GXYLT2: variants seen among roughly 807,000 people sequenced by gnomAD.
GXYLT2 encodes the protein glycosyltransferase 8 domain containing 4.
A neutral mutation model predicts 45.8 loss-of-function variants in GXYLT2; 53 were observed. The observed-to-expected ratio is 1.16, with a 90% CI of 0.93 to 1.46. The LOEUF (loss-of-function observed/expected upper bound fraction) is 1.46. Ranked by LOEUF, GXYLT2 falls within the 40% of genes most tolerant of loss-of-function variation. GXYLT2 has a pLI of 0.00. For missense variants in GXYLT2, 551 were observed against 544.4 expected (o/e 1.01, Z -0.12); for synonymous variants, 219 against 214.2 (o/e 1.02, Z -0.19).
At chr3:72,915,426 G>A (rs1159997001) in intron 2 of GXYLT2, among the ~76,000 whole-genome samples, 2 of 132,252 alleles carry the variant, frequency 1.5e-5, no homozygotes, top group Non-Finnish European at 3.1e-5. Context: ...GTAATTTAAA[G>A]ACGTATACAA....
chr3:72,965,878 C>T (rs1710856430), intron 5 of GXYLT2, among the ~76,000 whole-genome samples: 1 of 152,200 alleles, frequency 6.6e-6, no homozygotes, highest in African/African-American at 2.4e-5. Flanking sequence ...CATATGTGCA[C>T]ATATGGCCAT....
At chr3:72,961,209 C>T (rs955638961) in intron 5 of GXYLT2, among the ~76,000 whole-genome samples, 1 of 152,118 alleles carries the variant, frequency 6.6e-6, no homozygotes, top group African/African-American at 2.4e-5. Flanking sequence ...AGTTCACACT[C>T]TTAAAGGTGA....
chr3:72,959,427 T>A (rs543571253), intron 5 of GXYLT2, among the ~76,000 whole-genome samples: 41 of 151,676 alleles, frequency 2.7e-4, no homozygotes, highest in African/African-American at 4.6e-4. Flanking sequence ...CAAATTTTTT[T>A]AATTTTTTAT....
intron 2 of GXYLT2, among the ~76,000 whole-genome samples, chr3:72,910,172 T>C (rs1435635023): frequency 6.6e-6 from 1 of 152,202 alleles, no homozygotes; most frequent in African/African-American, 2.4e-5. Context: ...TTATGATTTA[T>C]GAGTTCATCT....
At chr3:72,897,250 A>G (rs1332373650) in intron 1 of GXYLT2, among the ~76,000 whole-genome samples, 1 of 152,224 alleles carries the variant, frequency 6.6e-6, no homozygotes, top group Admixed American at 6.5e-5. Context: ...TGGAAAGTGC[A>G]AAGAGATAAA....
intron 6 of GXYLT2, among the ~76,000 whole-genome samples, chr3:72,970,073 T>C (rs899603503): frequency 2.0e-5 from 3 of 151,396 alleles, no homozygotes; most frequent in Admixed American, 6.6e-5. Flanking sequence ...AAAATCGGCC[T>C]GGTGTGGTGG....
intron 5 of GXYLT2, among the ~76,000 whole-genome samples, chr3:72,957,671 A>G (rs908330871): frequency 1.3e-5 from 2 of 152,210 alleles, no homozygotes; most frequent in Admixed American, 1.3e-4. Context: ...AAATGGAAAT[A>G]TTATAATCTA....
intron 3 of GXYLT2, among the ~76,000 whole-genome samples, chr3:72,923,407 C>G (rs766021413): frequency 2.0e-5 from 3 of 151,708 alleles, no homozygotes; most frequent in Non-Finnish European, 4.4e-5. Flanking sequence ...AGACTGAGAC[C>G]GTGTCTCAAA....
chr3:72,942,788 C>G (rs9851754), intron 3 of GXYLT2, among the ~76,000 whole-genome samples: 1 of 150,892 alleles, frequency 6.6e-6, no homozygotes, highest in Admixed American at 6.6e-5. Context: ...GAAATTGTTA[C>G]AGATTGGAGG....
At chr3:72,949,410 CCTT>C (rs1710472297) in intron 3 of GXYLT2, among the ~76,000 whole-genome samples, 1 of 151,856 alleles carries the variant, frequency 6.6e-6, no homozygotes, top group Non-Finnish European at 1.5e-5. Context: ...TCTGTGCTAA[CCTT>C]CTCATCATCA....
At chr3:72,965,302 T>G (rs1167623718) in intron 5 of GXYLT2, among the ~76,000 whole-genome samples, 4 of 152,204 alleles carry the variant, frequency 2.6e-5, no homozygotes, top group African/African-American at 9.6e-5. Context: ...ATTATTTGCT[T>G]TCCATCTTGA....
At chr3:72,909,095 G>A (rs1186664898) in intron 2 of GXYLT2, among the ~76,000 whole-genome samples, 34 of 119,062 alleles carry the variant, frequency 2.9e-4, no homozygotes, top group Non-Finnish European at 5.0e-4. Context: ...TTGAGACAGC[G>A]GCTCACTCTG....
At chr3:72,930,592 C>CTTTTTTTTTTTTT (rs71126806) in intron 3 of GXYLT2, among the ~76,000 whole-genome samples, 1 of 101,612 alleles carries the variant, frequency 9.8e-6, no homozygotes, top group Non-Finnish European at 1.8e-5. Flanking sequence ...TCTTCTTCTT[C>CTTTTTTTTTTTTT]TTTTTTTTTT....
At position 72,967,584 on chromosome 3, in the gene GXYLT2, T is replaced by C. The variant is rs763928616; in HGVS notation, c.1014T>C (p.Arg338=). The C allele has an allele frequency of 6.2e-7, 1 of 1,613,886 alleles. No homozygotes were observed. The highest frequency in any genetic ancestry group is 2.2e-5 in the East Asian group (1 of 44,874). The change falls in exon 6 of 7, where the codon CGT becomes CGC. Residue 338 remains arginine (R), a synonymous_variant. Coordinates refer to ENST00000389617, the MANE Select transcript of GXYLT2 (RefSeq NM_001080393.2). The part of the protein sequence containing the change: ...LYVFPCQWNY[R]PDHCMYGSNC... Reference sequence around the variant, plus strand: ...TATTCCCCTGCCAGTGGAACTACCGTCCCGATCACTGCATGTACGGAAGCA... The same window carrying C: ...TATTCCCCTGCCAGTGGAACTACCGCCCCGATCACTGCATGTACGGAAGCA...
chr3:72,972,456 C>A (rs527558651), intron 6 of GXYLT2, among the ~76,000 whole-genome samples: 4 of 151,804 alleles, frequency 2.6e-5, no homozygotes, highest in South Asian at 4.2e-4. Flanking sequence ...GCCTGGCCAA[C>A]ATGGTGAAAC....
At chr3:72,907,142 G>A (rs1709527013) in intron 1 of GXYLT2, among the ~76,000 whole-genome samples, 1 of 152,126 alleles carries the variant, frequency 6.6e-6, no homozygotes, top group Admixed American at 6.5e-5. Flanking sequence ...AGAGATACTT[G>A]GGATGTCTCT....
intron 2 of GXYLT2, among the ~76,000 whole-genome samples, chr3:72,909,780 G>GT (rs1174104727): frequency 3.3e-5 from 5 of 152,180 alleles, no homozygotes; most frequent in Non-Finnish European, 5.9e-5. Flanking sequence ...TTCTCTTGCT[G>GT]TAAGTTCTCA....
intron 1 of GXYLT2, among the ~76,000 whole-genome samples, chr3:72,894,709 A>T (rs983265869): frequency 4.8e-4 from 73 of 152,236 alleles, no homozygotes; most frequent in African/African-American, 1.0e-3. Flanking sequence ...TATACAGGGG[A>T]TTAAGGCCTT....
At chr3:72,920,945 T>C (rs1709822358) in intron 2 of GXYLT2, among the ~76,000 whole-genome samples, 1 of 151,680 alleles carries the variant, frequency 6.6e-6, no homozygotes, top group East Asian at 1.9e-4. Flanking sequence ...CTCAGCCTCC[T>C]GAAGTAGCTG....
Sources: allele counts gnomAD v4.1 joint callset (sites outside exome capture counted in the v4.1 genomes callset), GRCh38; gene constraint gnomAD v4.1.1; transcripts MANE v1.5; gene names NCBI Gene and HGNC (gene_info 2026-07-23, HGNC 2026-07-21).